Variants in CCDC47 observed in about 807,000 individuals in gnomAD.
CCDC47 encodes coiled-coil domain containing 47.
CCDC47 carries 41 observed loss-of-function variants against 60.5 expected under a neutral mutation model. The ratio of observed to expected loss-of-function variants is 0.68; its 90% confidence interval spans 0.53 to 0.88. The LOEUF is 0.88. Ranked by LOEUF, CCDC47 falls within the 40% of genes least tolerant of loss-of-function variation. The probability of loss-of-function intolerance (pLI) is 0.00; values close to 1 mark genes in which losing one functional copy is unlikely to be tolerated. For missense variants in CCDC47, 513 were observed against 580.9 expected, an observed-to-expected ratio of 0.88 and a Z score of 1.20; for synonymous variants, 195 against 190.7, an observed-to-expected ratio of 1.02 and a Z score of -0.18.
At position 63,756,184 on chromosome 17, in the gene CCDC47, G is replaced by C. The variant is rs1024371386; in HGVS notation, c.948+56C>G. 24 of 1,133,828 alleles carry C rather than the reference G, an allele frequency of 2.1e-5. No homozygotes were observed. In the Admixed American group the frequency reaches 4.1e-4, roughly 19 times the overall value. The allele number at this position is 1,133,828 out of a possible 1,614,324, so 70.2% of individuals were successfully genotyped here. ...GAACTTGTACAATGAGACTTTTAGG[G>C]AGAGTGTCCTGTAAATGCCAAGGCC... On this transcript the variant is annotated intron_variant, in intron 8 of 12. Coordinates refer to ENST00000225726, the MANE Select transcript of CCDC47 (RefSeq NM_020198.3).
intron 8 of CCDC47, 51 bp from the exon 9 acceptor site, chr17:63,754,569 CTT>C: frequency 8.4e-7 from 1 of 1,186,606 alleles, no homozygotes; most frequent in Non-Finnish European, 1.2e-6. Context: ...ATGCATTTCC[CTT>C]TTTTTCCTAA....
chr17:63,751,866 C>T lies in CCDC47; in HGVS notation c.1371+74G>A, dbSNP rs939352975. On this transcript the variant is annotated intron_variant, in intron 12 of 12. Transcript: ENST00000225726. ...CTAAACTTTTAGCCTACAAAGATTA[C>T]CTTAACAACCAACAGAACACAAGCA... 6 of 1,539,020 alleles carry T rather than the reference C, an allele frequency of 3.9e-6. No homozygotes were observed. The East Asian group carries it at 1.3e-4, about 35-fold the overall frequency.
At chr17:63,757,833 C>G (rs999445582) in intron 6 of CCDC47, among the ~76,000 whole-genome samples, 3 of 152,158 alleles carry the variant, frequency 2.0e-5, no homozygotes, top group African/African-American at 7.2e-5. Context: ...CCCTTTTAAT[C>G]ACACCTGAGT....
At chr17:63,763,438 T>C (rs568342478) in intron 4 of CCDC47, among the ~76,000 whole-genome samples, 29 of 152,082 alleles carry the variant, frequency 1.9e-4, no homozygotes, top group Non-Finnish European at 3.5e-4. Context: ...GATGGAAGGA[T>C]CTCTTGAACC....
In CCDC47 at chr17:63,751,950, C is replaced by G. The variant is rs751972371; in HGVS notation, c.1361G>C (p.Arg454Pro). Residue 454 changes from arginine to proline, a missense_variant, in exon 12 of 13, where the codon CGC becomes CCC. Coordinates refer to ENST00000225726, the MANE Select transcript of CCDC47 (RefSeq NM_020198.3). ...IMNEEDPEKQ[R>P]RLEEAALRRE... is the part of the protein sequence containing the mutation. ...ATAAGTTTGTCTAACCTCCAGCCTG[C>G]GCTGTTTCTCAGGATCTTCCTCATT... 6.2e-7 allele frequency: 1 copy of G among 1,613,714 alleles called. No individual in the cohort carries two copies. The highest frequency in any genetic ancestry group is 8.5e-7 in the Non-Finnish European group (1 of 1,179,998).
At chr17:63,770,640 TATCGAAGGTTATTGTCGAATGCCTTGCA>T (rs2039331257) in intron 1 of CCDC47, among the ~76,000 whole-genome samples, 1 of 152,160 alleles carries the variant, frequency 6.6e-6, no homozygotes, top group Admixed American at 6.5e-5. Context: ...ATCAGTTTAA[TATCGAAGGTTATTGTCGAATGCCTTGCA>T]ATCCATGGAT....
chr17:63,763,436 G>C (rs2039274860), intron 4 of CCDC47, among the ~76,000 whole-genome samples: 1 of 152,094 alleles, frequency 6.6e-6, no homozygotes, highest in African/African-American at 2.4e-5. Flanking sequence ...AAGATGGAAG[G>C]ATCTCTTGAA....
At chr17:63,766,808 T>G in intron 1 of CCDC47, 1 of 976,004 alleles carries the variant, frequency 1.0e-6, no homozygotes, top group Non-Finnish European at 1.2e-6. Flanking sequence ...TTTGAGGGCC[T>G]ATTAAAAAGC....
chr17:63,772,907 T>C (rs1456042784), intron 1 of CCDC47: 1 of 152,280 alleles, frequency 6.6e-6, no homozygotes. Flanking sequence ...ACACAAGCGC[T>C]AACAAGTCTG....
chr17:63,747,431 C>T, intron 12 of CCDC47: 1 of 984,060 alleles, frequency 1.0e-6, no homozygotes. Flanking sequence ...CATACCTGCA[C>T]ATAATACTTA....
chr17:63,763,972 A>C (rs1018858549), intron 4 of CCDC47, 44 bp downstream of exon 4: 11 of 1,516,310 alleles, frequency 7.3e-6, no homozygotes, highest in Non-Finnish European at 8.8e-6. Flanking sequence ...TCCTTACCAG[A>C]TTGTTTTCAA....
intron 12 of CCDC47, among the ~76,000 whole-genome samples, chr17:63,750,762 T>C (rs1292246254): frequency 1.3e-5 from 2 of 151,954 alleles, no homozygotes; most frequent in East Asian, 1.9e-4. Context: ...TTTTTTTGTT[T>C]GTTTTTAGTA....
chr17:63,747,189 C>A, intron 12 of CCDC47: 5 of 984,120 alleles, frequency 5.1e-6, no homozygotes, highest in Non-Finnish European at 4.8e-6. Flanking sequence ...CAAAGGTAAA[C>A]TAAAATCTCA....
At chr17:63,748,283 T>G (rs1163916524) in intron 12 of CCDC47, among the ~76,000 whole-genome samples, 1 of 152,004 alleles carries the variant, frequency 6.6e-6, no homozygotes, top group African/African-American at 2.4e-5. Context: ...CAGCTAATTT[T>G]TGTATTCTTA....
At chr17:63,765,318 T>C (rs1053403381) in intron 2 of CCDC47, among the ~76,000 whole-genome samples, 13 of 152,006 alleles carry the variant, frequency 8.6e-5, no homozygotes, top group African/African-American at 3.1e-4. Flanking sequence ...TGAGTCCCCA[T>C]GCTTTTGATG....
chr17:63,761,498 G>A lies in CCDC47; in HGVS notation c.548-147C>T. ...AGTTCGAGACCAGCCTGGCCAGCAT[G>A]GTGAAACCCTGTCCCTACTAAAAAA... On this transcript the variant is annotated intron_variant, in intron 4 of 12. Transcript: ENST00000225726. 6.3e-6 allele frequency: 4 copies of A among 630,968 alleles called. No homozygotes were observed. In the South Asian group the frequency reaches 8.4e-5, roughly 13 times the overall value. The allele number at this position is 630,968 out of a possible 1,614,324, so 39.1% of individuals were successfully genotyped here.
At chr17:63,771,148 C>CA (rs1348455053) in intron 1 of CCDC47, among the ~76,000 whole-genome samples, 1 of 151,814 alleles carries the variant, frequency 6.6e-6, no homozygotes, top group African/African-American at 2.4e-5. Context: ...GCCAACGGTA[C>CA]AGTAGGCCCT....
chr17:63,760,781 G>A, intron 6 of CCDC47, 133 bp downstream of exon 6: 1 of 609,206 alleles, frequency 1.6e-6, no homozygotes, highest in Non-Finnish European at 2.9e-6. Flanking sequence ...AGAGGTTGCA[G>A]TGAGCCAAGA....
intron 12 of CCDC47, among the ~76,000 whole-genome samples, chr17:63,750,478 C>T (rs1008709106): frequency 6.6e-6 from 1 of 152,168 alleles, no homozygotes; most frequent in Non-Finnish European, 1.5e-5. Flanking sequence ...CAGGCCCGCA[C>T]AGCAGCTCAC....
Sources: gnomAD v4.1 joint callset for allele counts (sites outside exome capture counted in the v4.1 genomes callset) on GRCh38, gnomAD v4.1.1 for gene constraint, MANE v1.5 for transcripts, NCBI Gene and HGNC (gene_info 2026-07-23, HGNC 2026-07-21) for gene names.